TRIM49C: variants seen among roughly 807,000 people sequenced by gnomAD.
TRIM49C encodes tripartite motif containing 49C.
TRIM49C carries 6 observed loss-of-function variants against 21.4 expected under a neutral mutation model. The ratio of observed to expected loss-of-function variants is 0.28; its 90% CI spans 0.15 to 0.55. The LOEUF is 0.55. TRIM49C is among the 20% of genes least tolerant of loss of function. TRIM49C has a pLI of 0.94. For missense variants in TRIM49C, 161 were observed against 442.4 expected, an observed-to-expected ratio of 0.36 and a Z score of 5.71; for synonymous variants, 57 against 148.1, an observed-to-expected ratio of 0.38 and a Z score of 4.47.
At chr11:90,059,889 T>A in the TRIM49C span, among the ~76,000 whole-genome samples, 1 of 144,632 alleles carries the variant, frequency 6.9e-6, no homozygotes, top group African/African-American at 2.6e-5. Flanking sequence ...CCTTAGGGAA[T>A]CTCTCTCCTC....
the TRIM49C span, chr11:90,063,064 A>G: frequency 7.3e-7 from 1 of 1,375,246 alleles, no homozygotes; most frequent in Non-Finnish European, 9.5e-7. Context: ...CCCGATGAAA[A>G]GGAAAAAAAG....
At chr11:90,049,785 GC>G in the TRIM49C span, among the ~76,000 whole-genome samples, 4 of 124,244 alleles carry the variant, frequency 3.2e-5, 1 homozygote, top group Non-Finnish European at 6.5e-5. Flanking sequence ...TGTCTGACAA[GC>G]CCCAGTGAGA....
the TRIM49C span, chr11:90,062,789 G>C: frequency 2.9e-5 from 41 of 1,420,394 alleles, 8 homozygotes; most frequent in Non-Finnish European, 3.7e-5. Flanking sequence ...ACAGCTTTTT[G>C]AGTACCACAT....
chr11:90,067,046 C>T, the TRIM49C span, among the ~76,000 whole-genome samples: 1 of 137,196 alleles, frequency 7.3e-6, no homozygotes, highest in African/African-American at 2.6e-5. Flanking sequence ...CTTTTTCAAA[C>T]CAGTTTTTCT....
the TRIM49C span, chr11:90,071,858 C>G: frequency 3.0e-6 from 2 of 663,708 alleles, no homozygotes; most frequent in Non-Finnish European, 5.0e-6. Context: ...CTATGGGCAG[C>G]CTTCCCAGTG....
downstream of TRIM49C, among the ~76,000 whole-genome samples, chr11:90,046,755 G>T (rs1443168662): frequency 8.0e-6 from 1 of 124,334 alleles, no homozygotes; most frequent in Non-Finnish European, 1.6e-5. Flanking sequence ...GTTTCATTGT[G>T]TCTCTATCTC....
chr11:90,039,516 T>G (rs1457594717), intron 6 of TRIM49C, among the ~76,000 whole-genome samples: 1 of 131,858 alleles, frequency 7.6e-6, no homozygotes, highest in African/African-American at 2.7e-5. Context: ...AGTGGATGCA[T>G]CAGTCTCCCC....
chr11:90,054,069 A>C, the TRIM49C span, among the ~76,000 whole-genome samples: 8 of 137,412 alleles, frequency 5.8e-5, 2 homozygotes, highest in Non-Finnish European at 4.8e-5. Flanking sequence ...CATTTTAGAA[A>C]AGTCTTTTCA....
the TRIM49C span, among the ~76,000 whole-genome samples, chr11:90,060,042 AAATTG>A: frequency 7.1e-6 from 1 of 140,732 alleles, no homozygotes; most frequent in Admixed American, 7.3e-5. Context: ...TCCGAATGGC[AAATTG>A]TTTCTATGTA....
chr11:90,070,085 C>G, the TRIM49C span, among the ~76,000 whole-genome samples: 1 of 108,434 alleles, frequency 9.2e-6, no homozygotes, highest in Non-Finnish European at 1.9e-5. Context: ...GTACACTGGA[C>G]TCTACCCATA....
the TRIM49C span, chr11:90,057,846 A>G: frequency 1.6e-6 from 2 of 1,267,580 alleles, no homozygotes; most frequent in South Asian, 1.6e-5. Context: ...ATCAGAATCA[A>G]TAATGATATT....
the TRIM49C span, among the ~76,000 whole-genome samples, chr11:90,054,318 G>T: frequency 2.3e-5 from 3 of 132,218 alleles, 1 homozygote; most frequent in South Asian, 7.8e-4. Flanking sequence ...ATCTTCCACT[G>T]GCATGTTAAG....
chr11:90,071,241 AG>A, the TRIM49C span: 1 of 482,976 alleles, frequency 2.1e-6, no homozygotes, highest in Non-Finnish European at 4.1e-6. Flanking sequence ...TTTCCAACAA[AG>A]GGAAAACATA....
At chr11:90,054,914 G>A in the TRIM49C span, among the ~76,000 whole-genome samples, 22 of 147,342 alleles carry the variant, frequency 1.5e-4, no homozygotes, top group African/African-American at 5.5e-4. Flanking sequence ...TTAAAAGAAT[G>A]TCAGGAATAA....
the TRIM49C span, among the ~76,000 whole-genome samples, chr11:90,066,151 G>A: frequency 2.2e-5 from 3 of 135,818 alleles, no homozygotes; most frequent in Non-Finnish European, 4.8e-5. Context: ...CTCCCAAGTA[G>A]CTGGGATTAC....
At chr11:90,071,791 G>A in the TRIM49C span, 54,199 of 1,097,698 alleles carry the variant, frequency 0.049, 6,797 homozygotes, top group Non-Finnish European at 0.054. Flanking sequence ...AACCACTTCC[G>A]AGGTGAGTGT....
chr11:90,034,522 T>A lies in TRIM49C; in HGVS notation c.-4-686T>A, dbSNP rs1348115208. 2.4e-5 allele frequency among the ~76,000 whole-genome samples: 3 copies of A among 125,158 alleles called. 1 individual carries two copies. The highest frequency in any genetic ancestry group is 4.9e-5 in the Non-Finnish European group (3 of 61,284). The allele number at this position is 125,158 out of a possible 152,430, so 82.1% of individuals were successfully genotyped here. On this transcript the variant is annotated intron_variant, in intron 2 of 7. Transcript: ENST00000448984. ...TCCGCAAGAAAATAAAAAGACCCAA[T>A]ATCTTTAATAATTTTTCTTTTCCCT...
the TRIM49C span, chr11:90,062,660 G>C: frequency 1.1e-5 from 17 of 1,485,548 alleles, no homozygotes; most frequent in Non-Finnish European, 1.4e-5. Context: ...ACTCAGAGCA[G>C]GGCCCACAGA....
the TRIM49C span, among the ~76,000 whole-genome samples, chr11:90,048,928 G>A: frequency 3.2e-5 from 4 of 125,616 alleles, 1 homozygote; most frequent in Non-Finnish European, 6.5e-5. Flanking sequence ...TGCTGGTGAC[G>A]TACAGATGGG....
Sources: gnomAD v4.1 joint callset for allele counts (sites outside exome capture counted in the v4.1 genomes callset) on GRCh38, gnomAD v4.1.1 for gene constraint, MANE v1.5 for transcripts, NCBI Gene and HGNC (gene_info 2026-07-23, HGNC 2026-07-21) for gene names.